The following PP2D1 variants were observed in gnomAD, a reference collection of about 807,000 sequenced individuals.
PP2D1 encodes protein phosphatase 2C-like domain-containing protein 1.
In PP2D1, 25 loss-of-function variants were observed where a neutral mutation model predicts 30.2. That is an observed-to-expected ratio of 0.83 (90% CI 0.60 to 1.16). The LOEUF (loss-of-function observed/expected upper bound fraction) is 1.16. PP2D1 is among the 50% of genes most tolerant of loss of function. The pLI is 0.00. For synonymous variants in PP2D1, 260 were observed against 258.9 expected, an observed-to-expected ratio of 1.00 and a Z score of -0.04; for missense variants, 760 against 742.4, an observed-to-expected ratio of 1.02 and a Z score of -0.28.
chr3:19,990,191 C>G (rs1697098659), intron 2 of PP2D1, among the ~76,000 whole-genome samples: 1 of 152,216 alleles, frequency 6.6e-6, no homozygotes, highest in Non-Finnish European at 1.5e-5. Flanking sequence ...GTCACCCAGG[C>G]TGGAGTGCAG....
At chr3:19,980,267 G>T (rs760970903) in intron 3 of PP2D1, 1 of 152,082 alleles carries the variant, frequency 6.6e-6, no homozygotes, top group Non-Finnish European at 1.5e-5. Flanking sequence ...TACCAGATGG[G>T]CTTTAGTTTG....
intron 1 of PP2D1, among the ~76,000 whole-genome samples, chr3:20,004,305 T>G (rs1357283137): frequency 5.9e-5 from 9 of 152,222 alleles, no homozygotes; most frequent in Admixed American, 5.9e-4. Context: ...GCCCAGGTGT[T>G]AGTAGGCTGC....
rs1225628161 is a variant in PP2D1 at position 19,985,933 on chromosome 3, CAT to C, written c.1338_1339del (p.Cys447SerfsTer8). 1.7e-5 allele frequency: 26 copies of C among 1,536,216 alleles called. No homozygotes were observed. The Admixed American group carries it at 5.1e-4, about 30-fold the overall frequency. On this transcript the variant is annotated frameshift_variant, in exon 3 of 3. Coordinates refer to ENST00000389050, the MANE Select transcript of PP2D1 (RefSeq NM_001252657.2). LOFTEE classifies it low-confidence loss of function (END_TRUNC). ...ATTAGTAGCTACAATAAGGAATTGA[CAT>C]AGGTCATCTATAGGGACAGAAATAG...
In PP2D1 at chr3:19,985,702, C is replaced by T. The variant is rs759311423; in HGVS notation, c.1571G>A (p.Arg524His). Residue 524 changes from arginine to histidine, a missense_variant, in exon 3 of 3, where the codon CGT becomes CAT. Coordinates refer to ENST00000389050, the MANE Select transcript of PP2D1 (RefSeq NM_001252657.2). The part of the protein sequence containing the change: ...LFQYKSVSEV[R>H]VSTTNSKENL... The stretch of plus-strand genomic sequence containing the variant: ...TTCTTTGGAATTTGTAGTTGACACA[C>T]GTACTTCAGATACAGATTTATACTG... 26 of 1,535,604 alleles carry T rather than the reference C, an allele frequency of 1.7e-5. No homozygotes were observed. In the South Asian group the frequency reaches 2.5e-4, roughly 15 times the overall value.
intron 2 of PP2D1, among the ~76,000 whole-genome samples, chr3:19,990,601 A>T (rs1697104784): frequency 6.6e-6 from 1 of 152,192 alleles, no homozygotes; most frequent in Admixed American, 6.5e-5. Flanking sequence ...AAAAAACTAG[A>T]TGTGCAGAGT....
At chr3:19,988,885 C>A (rs1270706578) in intron 2 of PP2D1, among the ~76,000 whole-genome samples, 2 of 152,100 alleles carry the variant, frequency 1.3e-5, no homozygotes, top group Non-Finnish European at 2.9e-5. Flanking sequence ...ACTTGGGAGG[C>A]TGAGGCACAA....
At chr3:20,002,503 C>CA (rs1175019147) in intron 1 of PP2D1, among the ~76,000 whole-genome samples, 2 of 152,102 alleles carry the variant, frequency 1.3e-5, no homozygotes, top group African/African-American at 2.4e-5. Flanking sequence ...ATAATGGAGC[C>CA]AAAAAATTCC....
At position 19,990,162 on chromosome 3, in the gene PP2D1, C is replaced by T. The variant is rs968570592; in HGVS notation, c.1091-3980G>A. On this transcript the variant is annotated intron_variant, in intron 2 of 2. Coordinates refer to ENST00000389050, the MANE Select transcript of PP2D1 (RefSeq NM_001252657.2). Reference sequence around the variant, plus strand: ...CTACCTGTTAAAAAGGGAGATAATGCGAGACAGGGTTTCACTCTGTCACCC... The same window carrying T: ...CTACCTGTTAAAAAGGGAGATAATGTGAGACAGGGTTTCACTCTGTCACCC... Among the ~76,000 whole-genome samples, 6 of 152,166 alleles carry T rather than the reference C, an allele frequency of 3.9e-5. No homozygotes were observed. The East Asian group carries it at 5.8e-4, about 15-fold the overall frequency.
At chr3:19,987,793 A>AC (rs1697060656) in intron 2 of PP2D1, among the ~76,000 whole-genome samples, 1 of 152,172 alleles carries the variant, frequency 6.6e-6, no homozygotes, top group Non-Finnish European at 1.5e-5. Flanking sequence ...GAAGTCAGGG[A>AC]CCCTGAACAG....
At chr3:19,998,643 T>C (rs187105586) in intron 2 of PP2D1, among the ~76,000 whole-genome samples, 1 of 152,344 alleles carries the variant, frequency 6.6e-6, no homozygotes, top group East Asian at 1.9e-4. Flanking sequence ...CAGTACCTTT[T>C]TCTACATGCA....
At chr3:19,981,566 A>G (rs973343546), downstream of PP2D1, among the ~76,000 whole-genome samples, 2 of 152,022 alleles carry the variant, frequency 1.3e-5, no homozygotes, top group Non-Finnish European at 1.5e-5. Context: ...GCGAGCTGAG[A>G]TCGTGCCACT....
chr3:20,010,388 C>T (rs1243602201), intron 1 of PP2D1, among the ~76,000 whole-genome samples: 1 of 152,136 alleles, frequency 6.6e-6, no homozygotes, highest in African/African-American at 2.4e-5. Flanking sequence ...AGCCACTGTG[C>T]CCAGCCTGTT....
downstream of PP2D1, chr3:19,985,054 TA>T (rs1401597128): frequency 4.2e-6 from 1 of 235,436 alleles, no homozygotes; most frequent in Non-Finnish European, 8.2e-6. Flanking sequence ...TTAATCTATT[TA>T]AGTGTTGGAC....
intron 2 of PP2D1, among the ~76,000 whole-genome samples, 194 bp from the exon 3 acceptor site, chr3:19,986,376 T>C (rs574139358): frequency 4.1e-4 from 62 of 152,326 alleles, no homozygotes; most frequent in African/African-American, 1.5e-3. Flanking sequence ...AACAGGTCAA[T>C]TTATCCCTCA....
Position 20,001,636 on chromosome 3 carries a change from T to C in PP2D1, c.484A>G (p.Lys162Glu). ...CCTTTAATTAACAGATGACATATTT[T>C]TTGAGAATATATGACACTCCTGTCA... ...NIDRSVIYSQ[K>E]ICHLLIKGVG... Residue 162 changes from lysine to glutamate, a missense_variant, in exon 2 of 3, where the codon AAA becomes GAA. This residue lies in a region of PP2D1 where 374 missense variants were observed against 388.8 expected (regional missense o/e 0.96). Coordinates refer to ENST00000389050, the MANE Select transcript of PP2D1 (RefSeq NM_001252657.2). 1 of 1,536,398 alleles carries C rather than the reference T, an allele frequency of 6.5e-7. No homozygotes were observed. The highest frequency in any genetic ancestry group is 8.7e-7 in the Non-Finnish European group (1 of 1,146,944).
chr3:20,005,367 G>A (rs1318189747), intron 1 of PP2D1, among the ~76,000 whole-genome samples: 2 of 151,924 alleles, frequency 1.3e-5, no homozygotes, highest in East Asian at 1.9e-4. Flanking sequence ...GGTTAGGCTC[G>A]TCTTGAACTC....
chr3:20,009,383 C>T (rs1283655446), intron 1 of PP2D1, among the ~76,000 whole-genome samples: 2 of 152,008 alleles, frequency 1.3e-5, no homozygotes, highest in African/African-American at 2.4e-5. Flanking sequence ...ATTGCTTGAG[C>T]CCAGGATTTT....
intron 2 of PP2D1, among the ~76,000 whole-genome samples, chr3:19,990,745 A>C (rs1221009122): frequency 1.4e-5 from 2 of 146,592 alleles, no homozygotes; most frequent in African/African-American, 5.3e-5. Flanking sequence ...ATGGGAAATT[A>C]GAGGAAGATT....
intron 2 of PP2D1, among the ~76,000 whole-genome samples, chr3:19,993,884 G>T (rs941649409): frequency 3.9e-5 from 6 of 151,902 alleles, no homozygotes; most frequent in Non-Finnish European, 2.9e-5. Context: ...GATTACAGGT[G>T]CCCACCCCCG....
Sources: allele counts gnomAD v4.1 joint callset (sites outside exome capture counted in the v4.1 genomes callset), GRCh38; gene constraint gnomAD v4.1.1; regional missense constraint gnomAD v4.1.1; transcripts MANE v1.5; gene names NCBI Gene and HGNC (gene_info 2026-07-23, HGNC 2026-07-21).